The following SLC25A15 variants were observed in gnomAD, a reference collection of about 807,000 sequenced individuals.
SLC25A15 encodes the protein solute carrier family 25 member 15.
A neutral mutation model predicts 32.3 loss-of-function variants in SLC25A15; 24 were observed. The ratio of observed to expected loss-of-function variants is 0.74; its 90% CI spans 0.54 to 1.04. The LOEUF (loss-of-function observed/expected upper bound fraction) is 1.04. Ranked by LOEUF, SLC25A15 falls within the 50% of genes least tolerant of loss-of-function variation. The pLI, the probability that SLC25A15 is intolerant of heterozygous loss-of-function variation, is 0.00. For synonymous variants in SLC25A15, 132 were observed against 142.1 expected (o/e 0.93, Z 0.51); for missense variants, 317 against 374.5 (o/e 0.85, Z 1.27).
At chr13:40,792,475 G>A (rs1044277472) in intron 1 of SLC25A15, among the ~76,000 whole-genome samples, 1 of 152,232 alleles carries the variant, frequency 6.6e-6, no homozygotes, top group Non-Finnish European at 1.5e-5. Flanking sequence ...CTGTGGTGAC[G>A]GGAAGATGTG....
intron 3 of SLC25A15, among the ~76,000 whole-genome samples, chr13:40,802,569 C>T (rs1200167777): frequency 6.6e-6 from 1 of 151,362 alleles, no homozygotes; most frequent in Non-Finnish European, 1.5e-5. Flanking sequence ...TATGGTAAGT[C>T]CATCTGTGCT....
intron 3 of SLC25A15, among the ~76,000 whole-genome samples, chr13:40,801,205 G>A (rs1881871491): frequency 6.7e-6 from 1 of 149,312 alleles, no homozygotes; most frequent in South Asian, 2.1e-4. Flanking sequence ...TCCAGCCTGG[G>A]CAACAGAGCG....
At chr13:40,792,188 A>G (rs529815220) in intron 1 of SLC25A15, among the ~76,000 whole-genome samples, 2 of 152,360 alleles carry the variant, frequency 1.3e-5, no homozygotes, top group Non-Finnish European at 2.9e-5. Context: ...CAAGGCTCCA[A>G]CCAAAACATA....
At chr13:40,794,140 A>G (rs1881596588) in intron 2 of SLC25A15, among the ~76,000 whole-genome samples, 1 of 152,228 alleles carries the variant, frequency 6.6e-6, no homozygotes, top group Non-Finnish European at 1.5e-5. Flanking sequence ...GAGGAGTTCA[A>G]GACCAGCTTG....
intron 1 of SLC25A15, among the ~76,000 whole-genome samples, chr13:40,790,906 G>GT (rs1881459727): frequency 6.6e-6 from 1 of 152,122 alleles, no homozygotes; most frequent in Non-Finnish European, 1.5e-5. Context: ...AATTTAATGT[G>GT]TTTAAGTTTG....
At position 40,810,677 on chromosome 13, in the gene SLC25A15, A is replaced by G. The variant is rs1458944461; in HGVS notation, c.*1010A>G. 3.9e-6 allele frequency: 2 copies of G among 514,704 alleles called. No homozygotes were observed. Among genetic ancestry groups the G allele is most frequent in the African/African-American group, 3.9e-5 (2 of 51,132 alleles). The allele number at this position is 514,704 out of a possible 1,614,324, so 31.9% of individuals were successfully genotyped here. On this transcript the variant is annotated 3_prime_UTR_variant, in exon 7 of 7. Coordinates refer to ENST00000338625, the MANE Select transcript of SLC25A15 (RefSeq NM_014252.4). ...CATATTCCACGCTGACTATATTGCTAGGGGTGGCCCAGAGGGTCAGGCCTT... is the reference window on the plus strand; with the variant it reads ...CATATTCCACGCTGACTATATTGCTGGGGGTGGCCCAGAGGGTCAGGCCTT...
At chr13:40,808,041 C>G (rs999811418) in intron 5 of SLC25A15, among the ~76,000 whole-genome samples, 14 of 152,130 alleles carry the variant, frequency 9.2e-5, no homozygotes, top group African/African-American at 3.4e-4. Context: ...AATGAAGAAT[C>G]AGGGCTATTA....
chr13:40,806,881 C>A (rs1882204850), intron 4 of SLC25A15, among the ~76,000 whole-genome samples: 1 of 152,216 alleles, frequency 6.6e-6, no homozygotes, highest in African/African-American at 2.4e-5. Context: ...GAAATAAATT[C>A]TTGGTGCTTC....
chr13:40,807,387 AG>A lies in SLC25A15; in HGVS notation c.548del (p.Gly183AlafsTer11). ...CAAGCACTTTACTTCGAGAAGTACC[AG>A]GCTATTTCTTCTTCTTCGGTGGCTA... The part of the protein sequence containing the change: ...LSSTLLREVP[G>X]YFFFFGGYEL... On this transcript the variant is annotated frameshift_variant, in exon 5 of 7. Coordinates refer to ENST00000338625, the MANE Select transcript of SLC25A15 (RefSeq NM_014252.4). LOFTEE classifies it high-confidence loss of function. The A allele has an allele frequency of 6.2e-7, 1 of 1,614,056 alleles. No homozygotes were observed. The highest frequency in any genetic ancestry group is 8.5e-7 in the Non-Finnish European group (1 of 1,179,960).
rs745931350 is a variant in SLC25A15 at position 40,810,860 on chromosome 13, C to T, written c.*1193C>T. 3.6e-5 allele frequency: 19 copies of T among 534,688 alleles called. 1 individual carries two copies. Among genetic ancestry groups the T allele is most frequent in the South Asian group, 2.7e-4 (19 of 71,582 alleles). 33.1% of individuals were successfully genotyped at this position (534,688 alleles called of 1,614,324 possible). ...CAGCGCTTACCTTTTGTCTCTGGGT[C>T]CTGGCCTGGGGCCATCAATCCACTT... is the stretch of plus-strand genomic sequence containing the variant. On this transcript the variant is annotated 3_prime_UTR_variant, in exon 7 of 7. Transcript: ENST00000338625.
In SLC25A15 at chr13:40,803,395, C is replaced by T. The variant is rs150205380; in HGVS notation, c.315-1723C>T. On this transcript the variant is annotated intron_variant, in intron 3 of 6. Coordinates refer to ENST00000338625, the MANE Select transcript of SLC25A15 (RefSeq NM_014252.4). ...AGGCATGGCTAATTTTTAGTAGAGA[C>T]GGGGTTTTGCCATGTTGGCCAGGCC... 5.2e-3 allele frequency among the ~76,000 whole-genome samples: 786 copies of T among 152,088 alleles called. 7 individuals carry two copies. Among genetic ancestry groups the T allele is most frequent in the African/African-American group, 0.018 (750 of 41,498 alleles).
Position 40,809,887 on chromosome 13 carries a change from C to T in SLC25A15, c.*220C>T. ...GTACTGAAATAGAAAAGTGACCGCTCTTGCTCTTGGTAAAATATAGAGTGG... is the reference window on the plus strand; with the variant it reads ...GTACTGAAATAGAAAAGTGACCGCTTTTGCTCTTGGTAAAATATAGAGTGG... On this transcript the variant is annotated 3_prime_UTR_variant, in exon 7 of 7. Coordinates refer to ENST00000338625, the MANE Select transcript of SLC25A15 (RefSeq NM_014252.4). 3.2e-5 allele frequency: 18 copies of T among 554,542 alleles called. No individual in the cohort carries two copies. The highest frequency in any genetic ancestry group is 5.5e-5 in the Non-Finnish European group (17 of 310,406). The allele number at this position is 554,542 out of a possible 1,614,324, so 34.4% of individuals were successfully genotyped here. A position where few individuals can be genotyped will look rare whatever the true frequency, so the allele number is the denominator to read the frequency against.
chr13:40,796,021 G>C (rs12583207), intron 2 of SLC25A15, among the ~76,000 whole-genome samples: 2 of 152,148 alleles, frequency 1.3e-5, no homozygotes, highest in African/African-American at 2.4e-5. Flanking sequence ...TTAGTTTGGA[G>C]CCTTTGGGCC....
chr13:40,808,488 C>CT lies in SLC25A15; in HGVS notation c.675dup (p.Ala226CysfsTer35). 1 of 1,613,514 alleles carries CT rather than the reference C, an allele frequency of 6.2e-7. No individual in the cohort carries two copies. Among genetic ancestry groups the CT allele is most frequent in the Non-Finnish European group, 8.5e-7 (1 of 1,179,896 alleles). ...TGGAGTTGGTGGGATTTGCCTCTGGCTTGCGGTATACCCAGTGGATTGTAT... is the reference window on the plus strand; with the variant it reads ...TGGAGTTGGTGGGATTTGCCTCTGGCTTTGCGGTATACCCAGTGGATTGTAT... On this transcript the variant is annotated frameshift_variant, in exon 6 of 7. Coordinates refer to ENST00000338625, the MANE Select transcript of SLC25A15 (RefSeq NM_014252.4). LOFTEE classifies it high-confidence loss of function.
Position 40,805,200 on chromosome 13 carries a change from C to T in SLC25A15, c.397C>T (p.Arg133Trp), listed in dbSNP as rs573469049. 2.6e-5 allele frequency: 42 copies of T among 1,614,092 alleles called. No homozygotes were observed. Among genetic ancestry groups the T allele is most frequent in the East Asian group, 4.5e-5 (2 of 44,878 alleles). The change falls in exon 4 of 7, where the codon CGG (arginine) becomes TGG (tryptophan). Residue 133 changes from arginine (R) to tryptophan (W), a missense_variant. By Grantham distance (101) the Arg-to-Trp change is moderately radical. Coordinates refer to ENST00000338625, the MANE Select transcript of SLC25A15 (RefSeq NM_014252.4). ...VLCPTELVKC[R>W]LQTMYEMETS... ...CTGCCCCACGGAGCTCGTGAAGTGC[C>T]GGCTGCAGACCATGTATGAGATGGA...
intron 3 of SLC25A15, among the ~76,000 whole-genome samples, chr13:40,800,911 A>C (rs184398613): frequency 9.8e-5 from 15 of 152,302 alleles, no homozygotes; most frequent in African/African-American, 3.1e-4. Flanking sequence ...CATTTATTTC[A>C]TATAGTGTAT....
chr13:40,809,488 G>A (rs1882352921), intron 6 of SLC25A15, 55 bp from the exon 7 acceptor site: 2 of 1,609,204 alleles, frequency 1.2e-6, no homozygotes, highest in Admixed American at 3.3e-5. Context: ...GCAGCTGCGT[G>A]GGTATCCCCA....
rs778131013 is a variant in SLC25A15 at position 40,807,323 on chromosome 13, T to G, written c.482T>G (p.Leu161Arg). 6.2e-7 allele frequency: 1 copy of G among 1,614,072 alleles called. No individual in the cohort carries two copies. Among genetic ancestry groups the G allele is most frequent in the Non-Finnish European group, 8.5e-7 (1 of 1,180,012 alleles). Residue 161 changes from leucine (L) to arginine (R), a missense_variant, in exon 5 of 7, where the codon CTT becomes CGT. Leu to Arg is a moderately radical substitution (Grantham distance 102, BLOSUM62 -2). Transcript: ENST00000338625. The stretch of plus-strand genomic sequence containing the variant: ...GTGTGGTCTGTCATCAAAAGTATTC[T>G]TAGGAAAGATGGCCCCTTGGGGTTC... ...NTVWSVIKSILRKDGPLGFYH... is the reference protein window; with the variant it reads ...NTVWSVIKSIRRKDGPLGFYH...
rs1881776190 is a variant in SLC25A15, at chr13:40,799,130, G to A, written c.129G>A (p.Leu43=). Reference sequence around the variant, plus strand: ...TGAAGATGCAGACGTTCCCTGACCTGTACCGGGGCCTCACCGACTGCTGCC... The same window carrying A: ...TGAAGATGCAGACGTTCCCTGACCTATACCGGGGCCTCACCGACTGCTGCC... ...MKVKMQTFPD[L]YRGLTDCCLK... is the part of the protein sequence containing the mutation. Residue 43 remains leucine, a synonymous_variant, in exon 3 of 7, where the codon CTG becomes CTA. Coordinates refer to ENST00000338625, the MANE Select transcript of SLC25A15 (RefSeq NM_014252.4). 1.2e-5 allele frequency: 19 copies of A among 1,614,094 alleles called. No individual in the cohort carries two copies. Among genetic ancestry groups the A allele is most frequent in the East Asian group, 2.2e-5 (1 of 44,908 alleles).
Sources: gnomAD v4.1 joint callset for allele counts (sites outside exome capture counted in the v4.1 genomes callset) on GRCh38, gnomAD v4.1.1 for gene constraint, MANE v1.5 for transcripts, NCBI Gene and HGNC (gene_info 2026-07-23, HGNC 2026-07-21) for gene names.